IL15: variants seen among roughly 807,000 people sequenced by gnomAD.
IL15 encodes interleukin 15.
Under a neutral mutation model 19.6 loss-of-function variants are expected in IL15, and 11 were observed. The ratio of observed to expected loss-of-function variants is 0.56; its 90% CI spans 0.35 to 0.93. The LOEUF is 0.93. Ranked by LOEUF, IL15 falls within the 40% of genes least tolerant of loss-of-function variation. The pLI, the probability that IL15 is intolerant of heterozygous loss-of-function variation, is 0.01. For missense variants in IL15, 197 were observed against 186.5 expected, an observed-to-expected ratio of 1.06 and a Z score of -0.33; for synonymous variants, 58 against 59.6, an observed-to-expected ratio of 0.97 and a Z score of 0.12.
chr4:141,720,591 A>G, intron 4 of IL15, 25 bp downstream of exon 4: 2 of 1,102,790 alleles, frequency 1.8e-6, no homozygotes, highest in Non-Finnish European at 2.8e-6. Context: ...AGGCATAAAT[A>G]ACATTATGTT....
intron 2 of IL15, among the ~76,000 whole-genome samples, chr4:141,681,152 T>C (rs1043198314): frequency 6.6e-6 from 1 of 152,158 alleles, no homozygotes; most frequent in Non-Finnish European, 1.5e-5. Flanking sequence ...AGTGCCTGTC[T>C]TCCATTATTG....
intron 2 of IL15, among the ~76,000 whole-genome samples, chr4:141,707,307 A>G (rs1399614897): frequency 6.6e-6 from 1 of 151,866 alleles, no homozygotes; most frequent in Admixed American, 6.6e-5. Flanking sequence ...CATTCCAATT[A>G]TTGATTGTTT....
At chr4:141,654,609 CA>C (rs1405240673) in intron 1 of IL15, among the ~76,000 whole-genome samples, 1 of 152,096 alleles carries the variant, frequency 6.6e-6, no homozygotes, top group Non-Finnish European at 1.5e-5. Flanking sequence ...CAAGGTCAGA[CA>C]TAAGTTTTCC....
intron 2 of IL15, chr4:141,704,688 A>T: frequency 4.2e-6 from 1 of 240,152 alleles, no homozygotes; most frequent in Non-Finnish European, 8.2e-6. Flanking sequence ...TTCTTTGATG[A>T]TGGAAGACTT....
At chr4:141,702,142 G>T (rs1416159389) in intron 2 of IL15, among the ~76,000 whole-genome samples, 2 of 152,202 alleles carry the variant, frequency 1.3e-5, no homozygotes, top group Non-Finnish European at 2.9e-5. Flanking sequence ...TTTCTCTATT[G>T]TGCCCAGCTC....
intron 2 of IL15, among the ~76,000 whole-genome samples, chr4:141,696,792 T>C (rs775775842): frequency 4.6e-5 from 7 of 152,168 alleles, no homozygotes; most frequent in Non-Finnish European, 1.0e-4. Flanking sequence ...ATATGTTTGC[T>C]GGCCATTTGT....
chr4:141,641,904 C>T (rs928260387), intron 1 of IL15, among the ~76,000 whole-genome samples: 2 of 149,920 alleles, frequency 1.3e-5, no homozygotes, highest in African/African-American at 4.9e-5. Flanking sequence ...GTGCTAAGTG[C>T]TAAGGAAATT....
At chr4:141,642,291 C>G (rs1727073280) in intron 1 of IL15, among the ~76,000 whole-genome samples, 1 of 152,050 alleles carries the variant, frequency 6.6e-6, no homozygotes, top group Admixed American at 6.6e-5. Context: ...CTGCTTTGGG[C>G]ACACATCAGG....
chr4:141,650,219 G>A (rs560483014), intron 1 of IL15, among the ~76,000 whole-genome samples: 24 of 152,102 alleles, frequency 1.6e-4, no homozygotes, highest in African/African-American at 5.5e-4. Context: ...TAACTAGGAT[G>A]CTTAATTTAT....
At chr4:141,719,563 T>C (rs1326933056) in intron 3 of IL15, 87 bp downstream of exon 3, 1 of 1,068,876 alleles carries the variant, frequency 9.4e-7, no homozygotes, top group African/African-American at 1.6e-5. Flanking sequence ...AGTTACATGG[T>C]TATTCTCCAA....
intron 2 of IL15, among the ~76,000 whole-genome samples, chr4:141,682,778 A>C (rs1486942622): frequency 6.6e-6 from 1 of 152,090 alleles, no homozygotes; most frequent in African/African-American, 2.4e-5. Context: ...AACACAGTGA[A>C]ACCCGGTCTC....
chr4:141,720,965 TA>T, intron 4 of IL15: 1 of 585,966 alleles, frequency 1.7e-6, no homozygotes, highest in South Asian at 2.2e-5. Context: ...TAGTTCAGTT[TA>T]AAACATTTCT....
In IL15 at chr4:141,733,211, C is replaced by A; in HGVS notation, c.*363C>A. 5.6e-6 allele frequency: 1 copy of A among 179,036 alleles called. No homozygotes were observed. 11.1% of individuals were successfully genotyped at this position (179,036 alleles called of 1,614,324 possible). On this transcript the variant is annotated 3_prime_UTR_variant, in exon 8 of 8. Transcript: ENST00000320650. Reference sequence around the variant, plus strand: ...ATAGCATTTGTTTAAGGGTGATAGTCAAATTATGTATTGGTGGGGCTGGGT... The same window carrying A: ...ATAGCATTTGTTTAAGGGTGATAGTAAAATTATGTATTGGTGGGGCTGGGT...
At chr4:141,669,440 G>A (rs1374338284) in intron 2 of IL15, among the ~76,000 whole-genome samples, 1 of 152,146 alleles carries the variant, frequency 6.6e-6, no homozygotes, top group Non-Finnish European at 1.5e-5. Flanking sequence ...GGTGATGAAG[G>A]CCTAGACTAA....
At chr4:141,660,236 C>A (rs1578996841) in intron 2 of IL15, among the ~76,000 whole-genome samples, 1 of 152,156 alleles carries the variant, frequency 6.6e-6, no homozygotes, top group African/African-American at 2.4e-5. Flanking sequence ...ATCATGATTT[C>A]TTTGCTATAA....
intron 2 of IL15, among the ~76,000 whole-genome samples, chr4:141,658,265 G>A (rs1463855726): frequency 6.6e-6 from 1 of 152,046 alleles, no homozygotes; most frequent in African/African-American, 2.4e-5. Flanking sequence ...GTTTCCTGAG[G>A]CCTCCCCAGT....
intron 2 of IL15, among the ~76,000 whole-genome samples, chr4:141,676,389 T>C (rs1338225926): frequency 2.6e-5 from 4 of 152,204 alleles, no homozygotes. Context: ...TAAAATTCTT[T>C]TGATTTTGGA....
intron 5 of IL15, among the ~76,000 whole-genome samples, chr4:141,727,457 T>A (rs1022589054): frequency 2.0e-4 from 30 of 152,072 alleles, no homozygotes; most frequent in African/African-American, 6.8e-4. Flanking sequence ...AGCAGAGAAG[T>A]GGTTGCCAGA....
chr4:141,654,412 A>G (rs1354779472), intron 1 of IL15, among the ~76,000 whole-genome samples: 1 of 152,234 alleles, frequency 6.6e-6, no homozygotes, highest in Non-Finnish European at 1.5e-5. Context: ...AACTCTGTAT[A>G]GAATCTTCAA....
Sources: gnomAD v4.1 joint callset for allele counts (sites outside exome capture counted in the v4.1 genomes callset) on GRCh38, gnomAD v4.1.1 for gene constraint, MANE v1.5 for transcripts, NCBI Gene and HGNC (gene_info 2026-07-23, HGNC 2026-07-21) for gene names.